The following OLFML2B variants were observed in gnomAD, a reference collection of about 807,000 sequenced individuals.
OLFML2B encodes the protein olfactomedin-like protein 2B.
Under a neutral mutation model 74.9 loss-of-function variants are expected in OLFML2B, and 57 were observed. The ratio of observed to expected loss-of-function variants is 0.76; its 90% CI spans 0.61 to 0.95. The LOEUF (loss-of-function observed/expected upper bound fraction) is 0.95, where lower values mean the gene tolerates loss of function less well. Ranked by LOEUF, OLFML2B falls within the 40% of genes least tolerant of loss-of-function variation. OLFML2B has a pLI of 0.00. For synonymous variants in OLFML2B, 388 were observed against 405.8 expected, an observed-to-expected ratio of 0.96 and a Z score of 0.53; for missense variants, 986 against 970.6, an observed-to-expected ratio of 1.02 and a Z score of -0.21.
chr1:162,007,794 C>T (rs1229590137), intron 3 of OLFML2B, among the ~76,000 whole-genome samples: 1 of 152,100 alleles, frequency 6.6e-6, no homozygotes, highest in Admixed American at 6.5e-5. Flanking sequence ...CCAGAGAAGC[C>T]CCATAGGTGC....
intron 6 of OLFML2B, among the ~76,000 whole-genome samples, chr1:161,987,770 G>A (rs868535161): frequency 4.6e-5 from 7 of 152,172 alleles, no homozygotes; most frequent in Non-Finnish European, 1.0e-4. Context: ...GCAGGAAGAG[G>A]GGAGTCCCCG....
chr1:161,990,064 C>T (rs924418166), intron 6 of OLFML2B, among the ~76,000 whole-genome samples: 4 of 152,198 alleles, frequency 2.6e-5, no homozygotes, highest in Admixed American at 1.3e-4. Context: ...ACTCATAGTT[C>T]CGTTTCTTTT....
Position 161,984,099 on chromosome 1 carries a change from G to C in OLFML2B, c.1829C>G (p.Thr610Ser). 1 of 1,612,116 alleles carries C rather than the reference G, an allele frequency of 6.2e-7. No individual in the cohort carries two copies. The highest frequency in any genetic ancestry group is 8.5e-7 in the Non-Finnish European group (1 of 1,178,572). The change falls in exon 8 of 8, where the codon ACC (threonine) becomes AGC (serine). Residue 610 changes from threonine (T) to serine (S), a missense_variant. Transcript: ENST00000294794. ...MLHDVAYEEA[T>S]PWRWQGHSDV... ...TGAGTGGCCCTGCCATCGCCAGGGG[G>C]TGGCCTCCTCGTAGGCCACGTCATG...
chr1:162,022,778 G>A (rs1318167183), intron 1 of OLFML2B, among the ~76,000 whole-genome samples: 1 of 151,940 alleles, frequency 6.6e-6, no homozygotes, highest in Non-Finnish European at 1.5e-5. Flanking sequence ...CTGTTTGGGG[G>A]TCACCTCACA....
chr1:161,991,754 C>A (rs182899874), intron 6 of OLFML2B, among the ~76,000 whole-genome samples: 37 of 152,266 alleles, frequency 2.4e-4, no homozygotes, highest in Non-Finnish European at 5.1e-4. Context: ...ATTTCTTTTT[C>A]TGAGCAGTAG....
intron 6 of OLFML2B, among the ~76,000 whole-genome samples, chr1:161,990,546 A>G (rs1320203387): frequency 6.6e-6 from 1 of 151,114 alleles, no homozygotes; most frequent in Non-Finnish European, 1.5e-5. Context: ...AAAATACTTT[A>G]TTACTAAAAA....
chr1:162,006,501 A>G (rs1275987971), intron 3 of OLFML2B, 28 bp from the exon 4 acceptor site: 2 of 1,532,804 alleles, frequency 1.3e-6, no homozygotes, highest in Non-Finnish European at 1.7e-6. Flanking sequence ...AAGATGATCC[A>G]TTAAAGCACC....
intron 1 of OLFML2B, among the ~76,000 whole-genome samples, chr1:162,022,241 C>CGTCTTTTTTT (rs1690725073): frequency 3.1e-5 from 3 of 98,244 alleles, no homozygotes; most frequent in Admixed American, 1.4e-4. Context: ...CCATGTATCT[C>CGTCTTTTTTT]TTCTTTTTTT....
intron 3 of OLFML2B, among the ~76,000 whole-genome samples, chr1:162,011,430 C>T (rs1432101284): frequency 1.3e-5 from 2 of 152,200 alleles, no homozygotes; most frequent in Non-Finnish European, 2.9e-5. Flanking sequence ...ACAGCTACGA[C>T]CAGATGGCCT....
At chr1:162,009,595 CCT>C (rs1234267501) in intron 3 of OLFML2B, among the ~76,000 whole-genome samples, 7 of 152,194 alleles carry the variant, frequency 4.6e-5, no homozygotes, top group Non-Finnish European at 1.5e-5. Context: ...CAAGCCTGCC[CCT>C]GAGAACCCAG....
intron 6 of OLFML2B, among the ~76,000 whole-genome samples, chr1:161,997,018 A>G (rs931496756): frequency 3.3e-5 from 5 of 152,184 alleles, no homozygotes; most frequent in African/African-American, 7.2e-5. Context: ...TTAGCTGGGC[A>G]TGGTGGCGGG....
intron 3 of OLFML2B, among the ~76,000 whole-genome samples, chr1:162,013,308 T>C (rs1690445623): frequency 6.6e-6 from 1 of 152,224 alleles, no homozygotes; most frequent in African/African-American, 2.4e-5. Context: ...GTTGGACTGC[T>C]GACCACCTTG....
At position 162,006,375 on chromosome 1, in the gene OLFML2B, A is replaced by G. The variant is rs1690231408; in HGVS notation, c.645T>C (p.Ser215=). The G allele has an allele frequency of 6.2e-7, 1 of 1,612,764 alleles. No individual in the cohort carries two copies. Among genetic ancestry groups the G allele is most frequent in the African/African-American group, 1.3e-5 (1 of 74,590 alleles). Reference sequence around the variant, plus strand: ...CTGGCATGCTATCTAGGATGTTTTCAGAGCAATTTTCTTTGCCTCGCTTAT... The same window carrying G: ...CTGGCATGCTATCTAGGATGTTTTCGGAGCAATTTTCTTTGCCTCGCTTAT... The part of the protein sequence containing the change: ...EMNKRGKENC[S]ENILDSMPDI... Residue 215 remains serine (S), a synonymous_variant, in exon 4 of 8, where the codon TCT becomes TCC. Coordinates refer to ENST00000294794, the MANE Select transcript of OLFML2B (RefSeq NM_015441.3).
intron 3 of OLFML2B, 78 bp downstream of exon 3, chr1:162,017,322 T>C (rs1484424847): frequency 2.8e-6 from 3 of 1,083,962 alleles, no homozygotes; most frequent in Non-Finnish European, 4.2e-6. Context: ...ATGTGCTAGC[T>C]GAAAATTTAC....
chr1:162,019,051 A>C (rs1690627179), intron 2 of OLFML2B, among the ~76,000 whole-genome samples: 1 of 152,128 alleles, frequency 6.6e-6, no homozygotes, highest in African/African-American at 2.4e-5. Flanking sequence ...ATCCTGAGAT[A>C]CTCCTGATAT....
intron 4 of OLFML2B, among the ~76,000 whole-genome samples, chr1:162,002,243 C>T (rs564436310): frequency 3.0e-4 from 46 of 152,358 alleles, no homozygotes; most frequent in African/African-American, 8.4e-4. Flanking sequence ...CCCAGCCCTG[C>T]TCTCCCCAGG....
At chr1:162,020,685 C>T (rs754351172) in intron 1 of OLFML2B, among the ~76,000 whole-genome samples, 16 of 152,094 alleles carry the variant, frequency 1.1e-4, no homozygotes, top group South Asian at 2.1e-4. Flanking sequence ...TGCTACCATG[C>T]CCAGCTAATT....
At chr1:162,005,118 A>G (rs1371908328) in intron 4 of OLFML2B, among the ~76,000 whole-genome samples, 4 of 152,238 alleles carry the variant, frequency 2.6e-5, no homozygotes, top group Non-Finnish European at 5.9e-5. Flanking sequence ...ATTAATGCCT[A>G]TTTCTTGGAC....
At position 162,023,277 on chromosome 1, in the gene OLFML2B, G is replaced by C. The variant is rs752582859; in HGVS notation, c.154C>G (p.Gln52Glu). Residue 52 changes from glutamine to glutamate, a missense_variant, in exon 1 of 8, where the codon CAG (glutamine) becomes GAG (glutamate). Coordinates refer to ENST00000294794, the MANE Select transcript of OLFML2B (RefSeq NM_015441.3). ...DETLQNEADN[Q>E]ENVLSQLLGD... Reference sequence around the variant, plus strand: ...CCTACCTGAGATAAAACGTTCTCCTGGTTGTCCGCCTCGTTTTGCAGAGTC... The same window carrying C: ...CCTACCTGAGATAAAACGTTCTCCTCGTTGTCCGCCTCGTTTTGCAGAGTC... 1 of 1,559,366 alleles carries C rather than the reference G, an allele frequency of 6.4e-7. No homozygotes were observed. Among genetic ancestry groups the C allele is most frequent in the Non-Finnish European group, 8.7e-7 (1 of 1,147,204 alleles).
Sources: allele counts gnomAD v4.1 joint callset (sites outside exome capture counted in the v4.1 genomes callset), GRCh38; gene constraint gnomAD v4.1.1; transcripts MANE v1.5; gene names NCBI Gene and HGNC (gene_info 2026-07-23, HGNC 2026-07-21).